Variants in MYO7A observed in about 807,000 individuals in gnomAD.
MYO7A encodes myosin VIIA, also known as unconventional myosin-VIIa.
MYO7A carries 210 observed loss-of-function variants against 263.8 expected under a neutral mutation model. The ratio of observed to expected loss-of-function variants is 0.80; its 90% CI spans 0.71 to 0.89. MYO7A has a LOEUF of 0.89. Ranked by LOEUF, MYO7A falls within the 40% of genes least tolerant of loss-of-function variation. The pLI is 0.00. For missense variants in MYO7A, 2,820 were observed against 2,968.3 expected (o/e 0.95, Z 1.16); for synonymous variants, 1,239 against 1,197.3 (o/e 1.03, Z -0.72).
chr11:77,206,966 CAA>C (rs1016582808), intron 41 of MYO7A: 32 of 227,632 alleles, frequency 1.4e-4, no homozygotes, highest in African/African-American at 6.8e-4. Context: ...TCCTCTACCT[CAA>C]GTCTCCTCCT....
chr11:77,189,879 T>C, intron 28 of MYO7A, 141 bp from the exon 29 acceptor site: 4 of 1,341,664 alleles, frequency 3.0e-6, no homozygotes, highest in Non-Finnish European at 3.9e-6. Flanking sequence ...AAATAGATGG[T>C]GGAGCTGAGA....
In MYO7A at chr11:77,170,380, A is replaced by AGGCTGGAGG. The variant is rs540056300; in HGVS notation, c.1798-2356_1798-2348dup. 9.4e-4 allele frequency among the ~76,000 whole-genome samples: 143 copies of AGGCTGGAGG among 152,220 alleles called. 2 individuals are homozygous for AGGCTGGAGG. The East Asian group carries it at 0.022, about 24-fold the overall frequency. ...CAGGTGCACCTCAGGCAGGGCAAGG[A>AGGCTGGAGG]GGCTGGAGGGGCTGGAGGGGAGGGA... On this transcript the variant is annotated intron_variant, in intron 15 of 48. Coordinates refer to ENST00000409709, the MANE Select transcript of MYO7A (RefSeq NM_000260.4).
At position 77,211,273 on chromosome 11, in the gene MYO7A, A is replaced by G. The variant is rs111033336; in HGVS notation, c.6173A>G (p.Lys2058Arg). 2.1e-5 allele frequency: 33 copies of G among 1,580,882 alleles called. No individual in the cohort carries two copies. Among genetic ancestry groups the G allele is most frequent in the Non-Finnish European group, 2.8e-5 (33 of 1,163,696 alleles). Residue 2058 changes from lysine (K) to arginine (R), a missense_variant, in exon 45 of 49, where the codon AAG becomes AGG. Lys to Arg is a conservative substitution (Grantham distance 26). Coordinates refer to ENST00000409709, the MANE Select transcript of MYO7A (RefSeq NM_000260.4). ...AAGTCCTACTTCCCCAGCATCCCCA[A>G]GCTGCTGCGGGAGCTGGTGCCCCAG... Reference protein sequence around the residue: ...EDKSYFPSIPKLLRELVPQDL... With the variant: ...EDKSYFPSIPRLLRELVPQDL...
At chr11:77,185,999 T>C (rs1955619317) in intron 27 of MYO7A, among the ~76,000 whole-genome samples, 1 of 150,932 alleles carries the variant, frequency 6.6e-6, no homozygotes, top group Non-Finnish European at 1.5e-5. Context: ...CTCAGCTCAC[T>C]GCAACCTCTG....
Position 77,165,858 on chromosome 11 carries a change from G to T in MYO7A, c.1691-198G>T, listed in dbSNP as rs563662823. Among the ~76,000 whole-genome samples the T allele has an allele frequency of 2.0e-5, 3 of 152,252 alleles. No individual in the cohort carries two copies. The East Asian group carries it at 5.8e-4, about 30-fold the overall frequency. The stretch of plus-strand genomic sequence containing the variant: ...TGAACAGGCCTGGAAGAGGGGAGCT[G>T]TGTCACTGGGGAGATGGCCCCTCAC... On this transcript the variant is annotated intron_variant, in intron 14 of 48. Transcript: ENST00000409709.
intron 2 of MYO7A, 130 bp downstream of exon 2, chr11:77,130,782 C>T: frequency 9.5e-7 from 1 of 1,047,308 alleles, no homozygotes; most frequent in Non-Finnish European, 1.4e-6. Context: ...CCAAACCCAG[C>T]CCTCCAGGCT....
At chr11:77,131,013 A>G (rs115187245) in intron 2 of MYO7A, among the ~76,000 whole-genome samples, 43 of 152,186 alleles carry the variant, frequency 2.8e-4, no homozygotes, top group Non-Finnish European at 3.4e-4. Context: ...CCTGAGCCCA[A>G]CTTATTCTTA....
chr11:77,133,707 T>C (rs138209112), intron 2 of MYO7A, among the ~76,000 whole-genome samples: 8 of 152,328 alleles, frequency 5.3e-5, no homozygotes, highest in African/African-American at 1.9e-4. Context: ...TACCTTTTGG[T>C]TGGAGAGTTT....
chr11:77,183,751 C>A (rs1290090824), intron 26 of MYO7A, among the ~76,000 whole-genome samples: 1 of 152,096 alleles, frequency 6.6e-6, no homozygotes, highest in East Asian at 1.9e-4. Flanking sequence ...GAAACTCCTC[C>A]TTTCTCTGCC....
chr11:77,168,453 A>G (rs782745041), intron 15 of MYO7A, among the ~76,000 whole-genome samples: 12 of 152,036 alleles, frequency 7.9e-5, no homozygotes, highest in Non-Finnish European at 1.3e-4. Context: ...TTCACTCCCC[A>G]CTGCAACCTG....
chr11:77,130,726 G>A, intron 2 of MYO7A, 74 bp downstream of exon 2: 8 of 1,531,998 alleles, frequency 5.2e-6, no homozygotes, highest in Non-Finnish European at 7.2e-6. Context: ...TTACCCGTGG[G>A]ACACCCTCCC....
rs370866578 is a variant in MYO7A at position 77,213,973 on chromosome 11, G to A, written c.6552G>A (p.Thr2184=). 4.0e-5 allele frequency: 65 copies of A among 1,614,026 alleles called. 1 individual carries two copies. The Middle Eastern group carries it at 2.1e-3, about 53-fold the overall frequency. ...LVRGSKLLCE[T]SLGYKMDDLL... ...GCGGGAGCAAACTGCTCTGCGAGACGTCACTGGTGAGGGCGCATCCTGCTG... is the reference window on the plus strand; with the variant it reads ...GCGGGAGCAAACTGCTCTGCGAGACATCACTGGTGAGGGCGCATCCTGCTG... The change falls in exon 48 of 49, where the codon ACG becomes ACA. Residue 2184 remains threonine, a synonymous_variant. Transcript: ENST00000409709.
intron 44 of MYO7A, 67 bp downstream of exon 44, chr11:77,208,870 C>G: frequency 7.7e-7 from 1 of 1,299,578 alleles, no homozygotes; most frequent in African/African-American, 1.5e-5. Flanking sequence ...GCCCTGAAAG[C>G]AGAGACCCAC....
At chr11:77,158,574 G>C in intron 9 of MYO7A, 144 bp downstream of exon 9, 1 of 1,113,310 alleles carries the variant, frequency 9.0e-7, no homozygotes, top group Non-Finnish European at 1.2e-6. Context: ...TCGCCTGTGG[G>C]TAGATTTGAA....
At chr11:77,130,555 G>A in intron 1 of MYO7A, 34 bp from the exon 2 acceptor site, 1 of 1,557,728 alleles carries the variant, frequency 6.4e-7, no homozygotes, top group Non-Finnish European at 8.8e-7. Context: ...GGGCTGGCCT[G>A]CCCAGAAGCA....
chr11:77,161,299 C>T (rs958267518), intron 12 of MYO7A, among the ~76,000 whole-genome samples, 184 bp downstream of exon 12: 2 of 152,158 alleles, frequency 1.3e-5, no homozygotes, highest in African/African-American at 2.4e-5. Context: ...TCCTCAAGGT[C>T]AGCTGAGCCT....
intron 16 of MYO7A, 80 bp downstream of exon 16, chr11:77,172,965 G>A (rs782492542): frequency 6.1e-6 from 9 of 1,473,816 alleles, no homozygotes; most frequent in Non-Finnish European, 7.3e-6. Context: ...GGTAGGGTGG[G>A]AGTGAAGGAT....
intron 16 of MYO7A, among the ~76,000 whole-genome samples, chr11:77,173,128 G>T (rs1202846632): frequency 6.6e-5 from 10 of 152,336 alleles, no homozygotes; most frequent in African/African-American, 2.2e-4. Context: ...ATGTACAAGT[G>T]GGCGACTGCA....
rs1429176604 is a variant in MYO7A, at chr11:77,180,052, G to A, written c.2586+99G>A. The stretch of plus-strand genomic sequence containing the variant: ...TTGGCCAGGAAGTGGGACCTATAGG[G>A]GGGACCTGCAGTTATGCCTGCTCTG... On this transcript the variant is annotated intron_variant, in intron 21 of 48. Transcript: ENST00000409709. 1.4e-5 allele frequency: 18 copies of A among 1,259,980 alleles called. No individual in the cohort carries two copies. In the African/African-American group the frequency reaches 2.1e-4, roughly 15 times the overall value. The allele number at this position is 1,259,980 out of a possible 1,614,324, so 78.1% of individuals were successfully genotyped here. A position where few individuals can be genotyped will look rare whatever the true frequency, so the allele number is the denominator to read the frequency against.
Sources: gnomAD v4.1 joint callset for allele counts (sites outside exome capture counted in the v4.1 genomes callset) on GRCh38, gnomAD v4.1.1 for gene constraint, MANE v1.5 for transcripts, NCBI Gene and HGNC (gene_info 2026-07-23, HGNC 2026-07-21) for gene names.